The following CD300E variants were observed in gnomAD, a reference collection of about 807,000 sequenced individuals.
CD300E encodes the protein CMRF35-like molecule 2.
In CD300E, 14 loss-of-function variants were observed where a neutral mutation model predicts 20.9. The ratio of observed to expected loss-of-function variants is 0.67; its 90% CI spans 0.44 to 1.05. The LOEUF is 1.05. CD300E is among the 50% of genes least tolerant of loss of function. The probability of loss-of-function intolerance (pLI) is 0.00; values close to 1 mark genes in which losing one functional copy is unlikely to be tolerated. For synonymous variants in CD300E, 102 were observed against 103.7 expected (o/e 0.98, Z 0.10); for missense variants, 237 against 253.9 (o/e 0.93, Z 0.45).
In CD300E at chr17:74,609,926, G is replaced by A. The variant is rs1450642365; in HGVS notation, c.*2727C>T. ...TTATTGAATGAATGAGTAAATAAAG[G>A]GAAAAAAGAAAGGAAGAATAGGGGA... On this transcript the variant is annotated 3_prime_UTR_variant, in exon 4 of 4. Transcript: ENST00000392619. 6.6e-6 allele frequency: 1 copy of A among 152,108 alleles called. No individual in the cohort carries two copies. Among genetic ancestry groups the A allele is most frequent in the Non-Finnish European group, 1.5e-5 (1 of 68,026 alleles). 9.4% of individuals were successfully genotyped at this position (152,108 alleles called of 1,614,324 possible).
In CD300E at chr17:74,612,666, G is replaced by A; in HGVS notation, c.605C>T (p.Pro202Leu). ...VFWVNRPQWA[P>L]PGR ...GTCAGCCTGGCTCTATCTTCCAGGAGGAGCCCACTGAGGCCTGTTCACCCA... is the reference window on the plus strand; with the variant it reads ...GTCAGCCTGGCTCTATCTTCCAGGAAGAGCCCACTGAGGCCTGTTCACCCA... The change falls in exon 4 of 4, where the codon CCT (proline) becomes CTT (leucine). Residue 202 changes from proline (P) to leucine (L), a missense_variant. Physicochemically the swap from Pro to Leu is moderately conservative, Grantham distance 98 (BLOSUM62 -3). Coordinates refer to ENST00000392619, the MANE Select transcript of CD300E (RefSeq NM_181449.3). The A allele has an allele frequency of 6.2e-7, 1 of 1,613,698 alleles. No individual in the cohort carries two copies. The highest frequency in any genetic ancestry group is 8.5e-7 in the Non-Finnish European group (1 of 1,179,944).
chr17:74,620,032 A>T (rs902342137), intron 1 of CD300E, among the ~76,000 whole-genome samples: 1 of 152,256 alleles, frequency 6.6e-6, no homozygotes, highest in Admixed American at 6.5e-5. Flanking sequence ...AAGACAGAAG[A>T]TGGTTCTTAA....
intron 1 of CD300E, among the ~76,000 whole-genome samples, chr17:74,621,376 G>A (rs16978139): frequency 0.053 from 8,117 of 152,230 alleles, 257 homozygotes; most frequent in African/African-American, 0.069. Flanking sequence ...GAATGGACCA[G>A]TGATGAGAGA....
Position 74,612,673 on chromosome 17 carries a change from A to G in CD300E, c.598T>C (p.Trp200Arg), listed in dbSNP as rs756355448. The stretch of plus-strand genomic sequence containing the variant: ...TGGCTCTATCTTCCAGGAGGAGCCC[A>G]CTGAGGCCTGTTCACCCAGAAGACA... ...GAVFWVNRPQ[W>R]APPGR Residue 200 changes from tryptophan to arginine, a missense_variant, in exon 4 of 4, where the codon TGG becomes CGG. Transcript: ENST00000392619. 2 of 1,613,778 alleles carry G rather than the reference A, an allele frequency of 1.2e-6. No homozygotes were observed. Among genetic ancestry groups the G allele is most frequent in the African/African-American group, 2.7e-5 (2 of 75,016 alleles).
Position 74,612,746 on chromosome 17 carries a change from C to T in CD300E, c.525G>A (p.Leu175=). ...GGGGCAGCTTCAGAAGGACCACGAG[C>T]AGGAAGTGAGGGCTGCTGAGCCGGA... The part of the protein sequence containing the change: ...SGFRLSSPHF[L]LVVLLKLPLL... The change falls in exon 4 of 4, where the codon CTG becomes CTA. Residue 175 remains leucine (L), a synonymous_variant. Transcript: ENST00000392619. 6 of 1,613,944 alleles carry T rather than the reference C, an allele frequency of 3.7e-6. No individual in the cohort carries two copies. Among genetic ancestry groups the T allele is most frequent in the Non-Finnish European group, 4.2e-6 (5 of 1,179,966 alleles).
chr17:74,617,305 T>C lies in CD300E; in HGVS notation c.201A>G (p.Glu67=). 1 of 1,614,218 alleles carries C rather than the reference T, an allele frequency of 6.2e-7. No homozygotes were observed. The highest frequency in any genetic ancestry group is 1.1e-5 in the South Asian group (1 of 91,088). ...SCESIVETKG[E]EKVERNGRVS... ...CGCGGCCATTCCTCTCCACCTTCTC[T>C]TCTCCCTTGGTCTCCACAATGCTCT... Residue 67 remains glutamate, a synonymous_variant, in exon 2 of 4, where the codon GAA becomes GAG. Coordinates refer to ENST00000392619, the MANE Select transcript of CD300E (RefSeq NM_181449.3).
At chr17:74,621,490 G>A (rs1335075292) in intron 1 of CD300E, among the ~76,000 whole-genome samples, 1 of 152,226 alleles carries the variant, frequency 6.6e-6, no homozygotes, top group African/African-American at 2.4e-5. Context: ...AGTGTTACCT[G>A]AATGCAAGAT....
At chr17:74,615,822 A>G (rs1039673213) in intron 2 of CD300E, among the ~76,000 whole-genome samples, 2 of 152,024 alleles carry the variant, frequency 1.3e-5, no homozygotes, top group Non-Finnish European at 2.9e-5. Flanking sequence ...ATGGTGTCTC[A>G]CTCCTATAGT....
At chr17:74,615,493 A>G (rs1261864409) in intron 2 of CD300E, among the ~76,000 whole-genome samples, 1 of 152,196 alleles carries the variant, frequency 6.6e-6, no homozygotes, top group African/African-American at 2.4e-5. Flanking sequence ...GTGTGTTCTC[A>G]GGAAGGTAGA....
intron 2 of CD300E, among the ~76,000 whole-genome samples, chr17:74,615,403 C>G (rs889556542): frequency 1.3e-5 from 2 of 152,100 alleles, no homozygotes; most frequent in Non-Finnish European, 2.9e-5. Context: ...AGCCTGTCCT[C>G]AACCCGAAAG....
At position 74,617,132 on chromosome 17, in the gene CD300E, A is replaced by T; in HGVS notation, c.374T>A (p.Val125Glu). The T allele has an allele frequency of 6.2e-7, 1 of 1,613,806 alleles. No individual in the cohort carries two copies. Among genetic ancestry groups the T allele is most frequent in the Non-Finnish European group, 8.5e-7 (1 of 1,179,804 alleles). Residue 125 changes from valine (V) to glutamate (E), a missense_variant, in exon 2 of 4, where the codon GTG (valine) becomes GAG (glutamate). Transcript: ENST00000392619. Reference sequence around the variant, plus strand: ...GGAGCTCTTACCTGGGGAAACATACACCCTAACCAGGTCCGAGGGATCGCG... The same window carrying T: ...GGAGCTCTTACCTGGGGAAACATACTCCCTAACCAGGTCCGAGGGATCGCG... ...WSRDPSDLVR[V>E]YVSPAITTPR...
Position 74,617,395 on chromosome 17 carries a change from C to T in CD300E, c.111G>A (p.Gln37=), listed in dbSNP as rs1299246412. The T allele has an allele frequency of 1.2e-6, 2 of 1,614,036 alleles. No homozygotes were observed. The highest frequency in any genetic ancestry group is 1.1e-5 in the South Asian group (1 of 91,084). Residue 37 remains glutamine, a synonymous_variant, in exon 2 of 4, where the codon CAG becomes CAA. Coordinates refer to ENST00000392619, the MANE Select transcript of CD300E (RefSeq NM_181449.3). ...TAGDSLTVWC[Q]YESMYKGYNK... ...TATATCCCTTGTACATGCTCTCATA[C>T]TGACACCACACTGTCAGAGAGTCCC...
At chr17:74,615,903 C>T (rs552335060) in intron 2 of CD300E, among the ~76,000 whole-genome samples, 5 of 152,022 alleles carry the variant, frequency 3.3e-5, no homozygotes, top group African/African-American at 4.8e-5. Context: ...CTGGGCAACG[C>T]GGGAAGATGC....
chr17:74,613,642 AG>A (rs2030832390), intron 3 of CD300E, among the ~76,000 whole-genome samples: 2 of 152,206 alleles, frequency 1.3e-5, no homozygotes, highest in South Asian at 4.1e-4. Context: ...TGGATGGGGA[AG>A]GAGACAGGAA....
chr17:74,617,167 A>G lies in CD300E; in HGVS notation c.339T>C (p.Asp113=). The change falls in exon 2 of 4, where the codon GAT becomes GAC. Residue 113 remains aspartate, a synonymous_variant. Transcript: ENST00000392619. ...GGTCCGAGGGATCGCGTGACCATGA[A>G]TCCAGGACCCACACTGTCTGAATTT... ...WCKIQTVWVL[D]SWSRDPSDLV... 2 of 1,614,184 alleles carry G rather than the reference A, an allele frequency of 1.2e-6. No individual in the cohort carries two copies.
At chr17:74,613,754 GAT>G (rs2143354291) in intron 3 of CD300E, among the ~76,000 whole-genome samples, 169 bp downstream of exon 3, 1 of 152,278 alleles carries the variant, frequency 6.6e-6, no homozygotes, top group East Asian at 1.9e-4. Context: ...CAGCACAAGT[GAT>G]ATTTCCCACT....
In CD300E at chr17:74,612,621, G is replaced by T. The variant is rs781595532; in HGVS notation, c.*32C>A. On this transcript the variant is annotated 3_prime_UTR_variant, in exon 4 of 4. Transcript: ENST00000392619. The stretch of plus-strand genomic sequence containing the variant: ...CCCTGCACGGGGCACTCCTGGGGAT[G>T]GGGCTCTGCAGGGCTTCGGGTCAGC... 1.9e-6 allele frequency: 3 copies of T among 1,610,408 alleles called. No homozygotes were observed. The Admixed American group carries it at 5.0e-5, about 27-fold the overall frequency.
rs1380799899 is a variant in CD300E at position 74,617,150 on chromosome 17, G to A, written c.356C>T (p.Pro119Leu). Residue 119 changes from proline to leucine, a missense_variant, in exon 2 of 4, where the codon CCC becomes CTC. By Grantham distance (98) the Pro-to-Leu change is moderately conservative. Coordinates refer to ENST00000392619, the MANE Select transcript of CD300E (RefSeq NM_181449.3). Reference protein sequence around the residue: ...VWVLDSWSRDPSDLVRVYVSP... With the variant: ...VWVLDSWSRDLSDLVRVYVSP... The stretch of plus-strand genomic sequence containing the variant: ...AACATACACCCTAACCAGGTCCGAG[G>A]GATCGCGTGACCATGAATCCAGGAC... 11 of 1,614,028 alleles carry A rather than the reference G, an allele frequency of 6.8e-6. No individual in the cohort carries two copies. Among genetic ancestry groups the A allele is most frequent in the Non-Finnish European group, 8.5e-6 (10 of 1,180,036 alleles).
rs569640794 is a variant in CD300E, at chr17:74,617,133, C to A, written c.373G>T (p.Val125Leu). 7 of 1,614,206 alleles carry A rather than the reference C, an allele frequency of 4.3e-6. No homozygotes were observed. The East Asian group carries it at 1.1e-4, about 26-fold the overall frequency. Residue 125 changes from valine to leucine, a missense_variant, in exon 2 of 4, where the codon GTG (valine) becomes TTG (leucine). Coordinates refer to ENST00000392619, the MANE Select transcript of CD300E (RefSeq NM_181449.3). ...GAGCTCTTACCTGGGGAAACATACACCCTAACCAGGTCCGAGGGATCGCGT... is the reference window on the plus strand; with the variant it reads ...GAGCTCTTACCTGGGGAAACATACAACCTAACCAGGTCCGAGGGATCGCGT... ...WSRDPSDLVR[V>L]YVSPAITTPR...
Sources: gnomAD v4.1 joint callset for allele counts (sites outside exome capture counted in the v4.1 genomes callset) on GRCh38, gnomAD v4.1.1 for gene constraint, MANE v1.5 for transcripts, NCBI Gene and HGNC (gene_info 2026-07-23, HGNC 2026-07-21) for gene names.